The following AGK variants were observed in gnomAD, a reference collection of about 807,000 sequenced individuals.
AGK encodes the protein acylglycerol kinase, mitochondrial.
AGK carries 52 observed loss-of-function variants against 66.4 expected under a neutral mutation model. The observed-to-expected ratio is 0.78, with a 90% CI of 0.63 to 0.99. The LOEUF is 0.99. Among genes scored for constraint, AGK ranks in the 50% least tolerant of loss-of-function variants. The pLI, the probability that AGK is intolerant of heterozygous loss-of-function variation, is 0.00. For missense variants in AGK, 451 were observed against 506.6 expected (o/e 0.89, Z 1.05); for synonymous variants, 182 against 181.1 (o/e 1.00, Z -0.04).
chr7:141,635,527 C>A (rs983705887), intron 10 of AGK, among the ~76,000 whole-genome samples: 3 of 152,124 alleles, frequency 2.0e-5, no homozygotes, highest in Non-Finnish European at 4.4e-5. Context: ...CAGTATCAAC[C>A]TGAATAATAA....
At chr7:141,618,565 C>T (rs775725628) in intron 8 of AGK, among the ~76,000 whole-genome samples, 1 of 152,112 alleles carries the variant, frequency 6.6e-6, no homozygotes, top group Non-Finnish European at 1.5e-5. Flanking sequence ...AGTCTAGATT[C>T]TATAATTAAA....
intron 8 of AGK, among the ~76,000 whole-genome samples, chr7:141,616,919 G>A (rs1235422834): frequency 1.3e-5 from 2 of 151,750 alleles, no homozygotes; most frequent in African/African-American, 2.4e-5. Context: ...CACCACGCCC[G>A]GCTAATTTTT....
chr7:141,619,385 C>T (rs1466810972), intron 8 of AGK, among the ~76,000 whole-genome samples: 1 of 152,086 alleles, frequency 6.6e-6, no homozygotes, highest in African/African-American at 2.4e-5. Flanking sequence ...TAGACCCACA[C>T]ACATATGGAC....
At chr7:141,621,593 G>A in intron 8 of AGK, 139 bp from the exon 9 acceptor site, 1 of 641,170 alleles carries the variant, frequency 1.6e-6, no homozygotes, top group South Asian at 1.9e-5. Context: ...AGGGAAGGAG[G>A]GGGAGAGAGA....
Position 141,652,926 on chromosome 7 carries a change from C to T in AGK, c.*2C>T. Reference sequence around the variant, plus strand: ...ATGCTCACAAGCCCCACCCAGTGAGCAGCAGAAGACAAGCACTCTGAGACC... The same window carrying T: ...ATGCTCACAAGCCCCACCCAGTGAGTAGCAGAAGACAAGCACTCTGAGACC... On this transcript the variant is annotated 3_prime_UTR_variant, in exon 16 of 16. Coordinates refer to ENST00000649286, the MANE Select transcript of AGK (RefSeq NM_018238.4). 6.2e-7 allele frequency: 1 copy of T among 1,613,792 alleles called. No individual in the cohort carries two copies. The highest frequency in any genetic ancestry group is 8.5e-7 in the Non-Finnish European group (1 of 1,179,946).
chr7:141,601,983 A>T (rs1380401833), intron 5 of AGK, among the ~76,000 whole-genome samples: 1 of 152,050 alleles, frequency 6.6e-6, no homozygotes, highest in Non-Finnish European at 1.5e-5. Flanking sequence ...TTCTGTCATG[A>T]TTTTCCAGTT....
At chr7:141,612,553 G>A (rs1587127699) in intron 6 of AGK, among the ~76,000 whole-genome samples, 1 of 152,246 alleles carries the variant, frequency 6.6e-6, no homozygotes, top group East Asian at 1.9e-4. Flanking sequence ...ATAATAAGGT[G>A]TCAATGTAGG....
At position 141,555,347 on chromosome 7, in the gene AGK, A is replaced by G; in HGVS notation, c.-14-106A>G. 1.4e-6 allele frequency: 1 copy of G among 697,140 alleles called. No homozygotes were observed. The highest frequency in any genetic ancestry group is 2.3e-6 in the Non-Finnish European group (1 of 438,170). 43.2% of individuals were successfully genotyped at this position (697,140 alleles called of 1,614,324 possible). A position where few individuals can be genotyped will look rare whatever the true frequency, so the allele number is the denominator to read the frequency against. Reference sequence around the variant, plus strand: ...GGAGGAAGAGGAGTGAGTGGGAAAAAAAGGAGTGAGAGAGGATAAAAGAAT... The same window carrying G: ...GGAGGAAGAGGAGTGAGTGGGAAAAGAAGGAGTGAGAGAGGATAAAAGAAT... On this transcript the variant is annotated intron_variant, in intron 1 of 15. Transcript: ENST00000649286. The surrounding 1 kb of genome is among the most constrained non-coding windows in gnomAD (Gnocchi z 4.2).
In AGK at chr7:141,601,192, C is replaced by T. The variant is rs374601217; in HGVS notation, c.222-13C>T. The T allele has an allele frequency of 1.8e-5, 28 of 1,593,186 alleles. No individual in the cohort carries two copies. The African/African-American group carries it at 3.1e-4, about 18-fold the overall frequency. ...CTGTGTTAAAATGTTTATATTTTTT[C>T]CTTTGTTAACAGAAAAGCCAGGACT... On this transcript the variant is annotated splice_polypyrimidine_tract_variant and intron_variant, in intron 4 of 15. Coordinates refer to ENST00000649286, the MANE Select transcript of AGK (RefSeq NM_018238.4).
intron 5 of AGK, among the ~76,000 whole-genome samples, chr7:141,606,800 T>G (rs904837807): frequency 3.3e-5 from 5 of 152,198 alleles, no homozygotes; most frequent in Non-Finnish European, 7.4e-5. Flanking sequence ...AATTTCACTG[T>G]CCTAAAAATC....
In AGK at chr7:141,621,738, T is replaced by C. The variant is rs1393373924; in HGVS notation, c.525T>C (p.Ile175=). The C allele has an allele frequency of 3.1e-6, 5 of 1,612,536 alleles. No homozygotes were observed. The Admixed American group carries it at 5.0e-5, about 16-fold the overall frequency. The change falls in exon 9 of 16, where the codon ATT becomes ATC. Residue 175 remains isoleucine, a synonymous_variant. Transcript: ENST00000649286. ...ATTTCCTTTTCTCTTTTAGACATATTACTGATGCCACACTTGCCATTGTGA... is the reference window on the plus strand; with the variant it reads ...ATTTCCTTTTCTCTTTTAGACATATCACTGATGCCACACTTGCCATTGTGA... ...FAESGNKVQH[I]TDATLAIVKG...
At chr7:141,639,614 C>T (rs1441666468) in intron 11 of AGK, among the ~76,000 whole-genome samples, 1 of 152,112 alleles carries the variant, frequency 6.6e-6, no homozygotes, top group Non-Finnish European at 1.5e-5. Flanking sequence ...ACTGATGTCC[C>T]TGATATTCTC....
chr7:141,649,812 A>G (rs1376366257), intron 14 of AGK, among the ~76,000 whole-genome samples: 2 of 152,244 alleles, frequency 1.3e-5, no homozygotes, highest in Non-Finnish European at 2.9e-5. Flanking sequence ...CACAGTATCC[A>G]TTACTATTTA....
rs577821330 is a variant in AGK, at chr7:141,555,492, G to A, written c.26G>A (p.Arg9Gln). ...ATGACGGTGTTCTTTAAAACGCTTC[G>A]AAATCACTGGAAGAAAACTACAGCT... The part of the protein sequence containing the change: MTVFFKTL[R>Q]NHWKKTTAGL... The change falls in exon 2 of 16, where the codon CGA becomes CAA. Residue 9 changes from arginine to glutamine, a missense_variant. Transcript: ENST00000649286. This position sits in a 1 kb window ranked among gnomAD's most constrained non-coding sequence, Gnocchi z 4.2. 5.9e-4 allele frequency: 948 copies of A among 1,613,832 alleles called. 6 individuals are homozygous for A. The South Asian group carries it at 9.4e-3, about 16-fold the overall frequency.
Position 141,614,190 on chromosome 7 carries a change from A to G in AGK, c.423+12A>G. On this transcript the variant is annotated intron_variant, in intron 7 of 15. Transcript: ENST00000649286. Reference sequence around the variant, plus strand: ...GACGAACAGATGAGGTGAGCATTAAAGAGTAATTGCATTTTAACTTTTATT... The same window carrying G: ...GACGAACAGATGAGGTGAGCATTAAGGAGTAATTGCATTTTAACTTTTATT... 6.6e-7 allele frequency: 1 copy of G among 1,504,578 alleles called. No homozygotes were observed. The highest frequency in any genetic ancestry group is 9.0e-7 in the Non-Finnish European group (1 of 1,114,778). 93.2% of individuals were successfully genotyped at this position (1,504,578 alleles called of 1,614,324 possible). A position where few individuals can be genotyped will look rare whatever the true frequency, so the allele number is the denominator to read the frequency against.
At chr7:141,562,232 C>T (rs1010875146) in intron 2 of AGK, 6 of 453,258 alleles carry the variant, frequency 1.3e-5, no homozygotes, top group Non-Finnish European at 2.2e-5. Context: ...TTGTTTTCTC[C>T]TTCTCGGGAG....
intron 5 of AGK, among the ~76,000 whole-genome samples, chr7:141,606,886 T>A (rs965532817): frequency 6.6e-6 from 1 of 152,186 alleles, no homozygotes; most frequent in African/African-American, 2.4e-5. Context: ...TTGCTATTTT[T>A]AAAATGTCAT....
rs745585048 is a variant in AGK at position 141,652,967 on chromosome 7, G to A, written c.*43G>A. 11 of 1,609,744 alleles carry A rather than the reference G, an allele frequency of 6.8e-6. No homozygotes were observed. The East Asian group carries it at 1.6e-4, about 23-fold the overall frequency. ...CTCTGAGACCACACTTTAGGCCACCGGTGGGACCAAAAGGGAACAGGTGCC... is the reference window on the plus strand; with the variant it reads ...CTCTGAGACCACACTTTAGGCCACCAGTGGGACCAAAAGGGAACAGGTGCC... On this transcript the variant is annotated 3_prime_UTR_variant, in exon 16 of 16. Transcript: ENST00000649286.
chr7:141,611,424 A>C (rs1266489796), intron 6 of AGK, 137 bp downstream of exon 6: 1 of 545,200 alleles, frequency 1.8e-6, no homozygotes, highest in Non-Finnish European at 3.0e-6. Flanking sequence ...CTCTAAAGCT[A>C]GTATAGCTTT....
Sources: allele counts gnomAD v4.1 joint callset (sites outside exome capture counted in the v4.1 genomes callset), GRCh38; gene constraint gnomAD v4.1.1; non-coding constraint Gnocchi (gnomAD v3.1); transcripts MANE v1.5; gene names NCBI Gene and HGNC (gene_info 2026-07-23, HGNC 2026-07-21).